COL5A2: variants seen among roughly 807,000 people sequenced by gnomAD.
COL5A2 encodes collagen type V alpha 2 chain.
A neutral mutation model predicts 208.2 loss-of-function variants in COL5A2; 23 were observed. The ratio of observed to expected loss-of-function variants is 0.11; its 90% CI spans 0.08 to 0.16. The LOEUF (loss-of-function observed/expected upper bound fraction) is 0.16. COL5A2 is among the 10% of genes least tolerant of loss of function. The pLI is 1.00. For missense variants in COL5A2, 1,590 were observed against 1,956.4 expected, an observed-to-expected ratio of 0.81 and a Z score of 3.53; for synonymous variants, 625 against 628.5, an observed-to-expected ratio of 0.99 and a Z score of 0.08.
chr2:189,239,037 G>A, the COL5A2 span, among the ~76,000 whole-genome samples: 1 of 152,078 alleles, frequency 6.6e-6, no homozygotes, highest in African/African-American at 2.4e-5. Flanking sequence ...TAGAGGCTAG[G>A]CAGGTAATAT....
the COL5A2 span, among the ~76,000 whole-genome samples, chr2:189,232,126 T>C: frequency 6.6e-6 from 1 of 151,670 alleles, no homozygotes. Flanking sequence ...AGGGTTTGAA[T>C]AAGTGGAAAG....
rs915332474 is a variant in COL5A2 at position 189,058,927 on chromosome 2, G to C, written c.2086-34C>G. The C allele has an allele frequency of 3.8e-6, 6 of 1,593,754 alleles. No individual in the cohort carries two copies. In the South Asian group the frequency reaches 5.5e-5, roughly 15 times the overall value. On this transcript the variant is annotated intron_variant, in intron 31 of 53. Coordinates refer to ENST00000374866, the MANE Select transcript of COL5A2 (RefSeq NM_000393.5). ...ACATTTTTTTTTTTTAATGGAACAA[G>C]AGCTTTGAGTTTAGGCATTTATCAG...
the COL5A2 span, among the ~76,000 whole-genome samples, chr2:189,318,606 T>A: frequency 6.6e-6 from 1 of 152,240 alleles, no homozygotes; most frequent in Admixed American, 6.5e-5. Context: ...CAATTAATAG[T>A]ACCTGATAGG....
In COL5A2 at chr2:189,033,531, T is replaced by C; in HGVS notation, c.*539A>G. 1 of 160,226 alleles carries C rather than the reference T, an allele frequency of 6.2e-6. No individual in the cohort carries two copies. The highest frequency in any genetic ancestry group is 1.7e-4 in the South Asian group (1 of 5,748). The allele number at this position is 160,226 out of a possible 1,614,324, so 9.9% of individuals were successfully genotyped here. ...AAGAGTCTCTATTATAGTTACACAA[T>C]ATCAAGACATGCATGTAGGTCTCGA... On this transcript the variant is annotated 3_prime_UTR_variant, in exon 54 of 54. Transcript: ENST00000374866.
the COL5A2 span, among the ~76,000 whole-genome samples, chr2:189,349,737 A>G: frequency 6.6e-6 from 1 of 152,184 alleles, no homozygotes; most frequent in Non-Finnish European, 1.5e-5. Flanking sequence ...TTTTTATTGG[A>G]ACAAACTAAC....
chr2:189,135,504 T>A (rs759131160), intron 1 of COL5A2, among the ~76,000 whole-genome samples: 5 of 152,178 alleles, frequency 3.3e-5, no homozygotes, highest in African/African-American at 4.8e-5. Flanking sequence ...GTCATAAATA[T>A]TGGTTACAAA....
At chr2:189,273,060 CA>C in the COL5A2 span, among the ~76,000 whole-genome samples, 1 of 152,014 alleles carries the variant, frequency 6.6e-6, no homozygotes, top group Admixed American at 6.6e-5. Flanking sequence ...CTAGATAGAT[CA>C]AAACACTGGT....
intron 1 of COL5A2, among the ~76,000 whole-genome samples, chr2:189,206,548 T>C (rs1018354247): frequency 7.9e-5 from 12 of 152,168 alleles, no homozygotes; most frequent in African/African-American, 2.9e-4. Context: ...ATAGAAGTTC[T>C]ACAAGCAAAG....
chr2:189,174,344 G>C (rs1397071803), intron 1 of COL5A2, among the ~76,000 whole-genome samples: 1 of 152,238 alleles, frequency 6.6e-6, no homozygotes, highest in Non-Finnish European at 1.5e-5. Context: ...ATAGTAGAAT[G>C]ATTCGCCTAA....
intron 16 of COL5A2, among the ~76,000 whole-genome samples, chr2:189,077,171 T>C (rs1186997087): frequency 6.6e-6 from 1 of 152,136 alleles, no homozygotes; most frequent in Non-Finnish European, 1.5e-5. Context: ...TAGTTCTCTC[T>C]TGTTGAAGAT....
intron 1 of COL5A2, among the ~76,000 whole-genome samples, chr2:189,157,442 T>A (rs942133138): frequency 8.6e-5 from 13 of 151,700 alleles, no homozygotes; most frequent in Non-Finnish European, 1.6e-4. Context: ...AATAAAGAAG[T>A]CTAAAAAAAG....
At chr2:189,057,702 T>C (rs1258129016) in intron 33 of COL5A2, among the ~76,000 whole-genome samples, 1 of 152,198 alleles carries the variant, frequency 6.6e-6, no homozygotes, top group Non-Finnish European at 1.5e-5. Context: ...TGCCTTTTTT[T>C]CCCTCTGTTG....
Position 189,032,608 on chromosome 2 carries a change from T to C in COL5A2, c.*1462A>G, listed in dbSNP as rs1454747118. ...TTGTCTTTTGGGATGGTCCCAGCTG[T>C]TTATTTTAAAAGAAAAAAATTAAAA... is the stretch of plus-strand genomic sequence containing the variant. On this transcript the variant is annotated 3_prime_UTR_variant, in exon 54 of 54. Coordinates refer to ENST00000374866, the MANE Select transcript of COL5A2 (RefSeq NM_000393.5). 2 of 152,094 alleles carry C rather than the reference T, an allele frequency of 1.3e-5. No individual in the cohort carries two copies. Among genetic ancestry groups the C allele is most frequent in the Non-Finnish European group, 2.9e-5 (2 of 67,990 alleles). The allele number at this position is 152,094 out of a possible 1,614,324, so 9.4% of individuals were successfully genotyped here.
the COL5A2 span, among the ~76,000 whole-genome samples, chr2:189,354,458 C>G: frequency 1.3e-3 from 203 of 152,232 alleles, no homozygotes; most frequent in African/African-American, 4.6e-3. Context: ...AATTTCAGAA[C>G]TTGTTATTGG....
intron 1 of COL5A2, among the ~76,000 whole-genome samples, chr2:189,172,235 G>A (rs1030940055): frequency 6.6e-6 from 1 of 152,162 alleles, no homozygotes; most frequent in African/African-American, 2.4e-5. Context: ...GGAAAGAGCA[G>A]ATAGAAAGGA....
At chr2:189,062,270 G>A (rs1344945096) in intron 29 of COL5A2, among the ~76,000 whole-genome samples, 1 of 150,188 alleles carries the variant, frequency 6.7e-6, no homozygotes, top group East Asian at 2.0e-4. Flanking sequence ...TACAACCTCC[G>A]CCTCCCGGGT....
At chr2:189,357,327 C>T in the COL5A2 span, among the ~76,000 whole-genome samples, 1 of 152,168 alleles carries the variant, frequency 6.6e-6, no homozygotes, top group East Asian at 1.9e-4. Context: ...GCTGAAGCTA[C>T]ACCCACAGAT....
chr2:189,034,811 C>G, intron 53 of COL5A2, 105 bp downstream of exon 53: 2 of 1,312,220 alleles, frequency 1.5e-6, no homozygotes, highest in Non-Finnish European at 2.2e-6. Context: ...CTATTATGCT[C>G]ATATACAAGG....
At chr2:189,434,702 C>A in the COL5A2 span, among the ~76,000 whole-genome samples, 1 of 152,248 alleles carries the variant, frequency 6.6e-6, no homozygotes, top group East Asian at 1.9e-4. Context: ...GAAAACCTTT[C>A]CACGCTCATG....
Sources: allele counts gnomAD v4.1 joint callset (sites outside exome capture counted in the v4.1 genomes callset), GRCh38; gene constraint gnomAD v4.1.1; transcripts MANE v1.5; gene names NCBI Gene and HGNC (gene_info 2026-07-23, HGNC 2026-07-21).